The following LRIG2 variants were observed in gnomAD, a reference collection of about 807,000 sequenced individuals.
The protein encoded by LRIG2 is leucine rich repeats and immunoglobulin like domains 2, also known as leucine-rich repeats and immunoglobulin-like domains protein 2.
Under a neutral mutation model 107.8 loss-of-function variants are expected in LRIG2, and 93 were observed. The observed-to-expected ratio is 0.86, with a 90% CI of 0.73 to 1.03. The LOEUF (loss-of-function observed/expected upper bound fraction) is 1.03, where lower values mean the gene tolerates loss of function less well. Ranked by LOEUF, LRIG2 falls within the 50% of genes least tolerant of loss-of-function variation. The pLI is 0.00. For synonymous variants in LRIG2, 471 were observed against 470.6 expected, an observed-to-expected ratio of 1.00 and a Z score of -0.01; for missense variants, 1,226 against 1,296.0, an observed-to-expected ratio of 0.95 and a Z score of 0.83.
At chr1:113,115,372 G>A (rs532135799) in intron 15 of LRIG2, among the ~76,000 whole-genome samples, 60 of 152,046 alleles carry the variant, frequency 3.9e-4, no homozygotes, top group African/African-American at 1.3e-3. Flanking sequence ...GTGCCACCGC[G>A]CCTAAGTTTT....
rs750139828 is a variant in LRIG2, at chr1:113,112,770, C to G, written c.2080+10C>G. On this transcript the variant is annotated intron_variant, in intron 14 of 17. Coordinates refer to ENST00000361127, the MANE Select transcript of LRIG2 (RefSeq NM_014813.3). ...TCCCTAACAGTGTTAGGTACGTTTA[C>G]TGCTCCATGGGTCCCTGCTTTTGTT... 2.5e-6 allele frequency: 4 copies of G among 1,586,548 alleles called. No homozygotes were observed. The highest frequency in any genetic ancestry group is 3.5e-6 in the Non-Finnish European group (4 of 1,159,016).
At chr1:113,122,790 A>G (rs1041310182) in intron 17 of LRIG2, among the ~76,000 whole-genome samples, 3 of 152,362 alleles carry the variant, frequency 2.0e-5, no homozygotes, top group East Asian at 3.9e-4. Flanking sequence ...GAGCAGATCT[A>G]GCAAATCAGA....
At chr1:113,082,607 G>A (rs1435460328) in intron 1 of LRIG2, among the ~76,000 whole-genome samples, 3 of 152,124 alleles carry the variant, frequency 2.0e-5, no homozygotes, top group Non-Finnish European at 4.4e-5. Flanking sequence ...GAGTTGTGTA[G>A]GGGAGGTGTC....
Position 113,094,387 on chromosome 1 carries a change from T to A in LRIG2, c.564T>A (p.Asp188Glu). The A allele has an allele frequency of 1.9e-6, 3 of 1,613,220 alleles. No homozygotes were observed. The highest frequency in any genetic ancestry group is 2.5e-6 in the Non-Finnish European group (3 of 1,179,714). Residue 188 changes from aspartate (D) to glutamate (E), a missense_variant, in exon 5 of 18, where the codon GAT becomes GAA. Physicochemically the swap from Asp to Glu is conservative, Grantham distance 45. This residue lies in a region of LRIG2 where 570 missense variants were observed against 550.2 expected (regional missense o/e 1.04). Coordinates refer to ENST00000361127, the MANE Select transcript of LRIG2 (RefSeq NM_014813.3). The part of the protein sequence containing the change: ...RITTLEAGCF[D>E]NLSSSLLVVK... ...CCACCTTGGAGGCTGGTTGCTTCGA[T>A]AATTTATCAAGTTCCTTATTAGTGG...
Position 113,096,243 on chromosome 1 carries a change from G to T in LRIG2, c.969G>T (p.Leu323=). ...LSELDLSYNQ[L]TRLDESAFVG... is the part of the protein sequence containing the mutation. ...TCAGTGATTTGTCCTATAACCAGCT[G>T]ACCCGCCTGGATGAATCTGCCTTTG... The change falls in exon 8 of 18, where the codon CTG becomes CTT. Residue 323 remains leucine (L), a synonymous_variant. Coordinates refer to ENST00000361127, the MANE Select transcript of LRIG2 (RefSeq NM_014813.3). The T allele has an allele frequency of 6.2e-7, 1 of 1,614,020 alleles. No homozygotes were observed. The highest frequency in any genetic ancestry group is 8.5e-7 in the Non-Finnish European group (1 of 1,180,016).
At chr1:113,098,667 T>C (rs1375177487) in intron 8 of LRIG2, 38 bp from the exon 9 acceptor site, 1 of 1,248,838 alleles carries the variant, frequency 8.0e-7, no homozygotes, top group South Asian at 1.2e-5. Context: ...ATGGTTGTAT[T>C]GACTAATAGC....
chr1:113,086,323 T>C (rs1219111646), intron 1 of LRIG2, among the ~76,000 whole-genome samples: 1 of 152,094 alleles, frequency 6.6e-6, no homozygotes, highest in Non-Finnish European at 1.5e-5. Flanking sequence ...TTTTTAAAAC[T>C]AAATTATGCT....
chr1:113,076,486 A>G (rs925704911), intron 1 of LRIG2, among the ~76,000 whole-genome samples: 17 of 152,196 alleles, frequency 1.1e-4, no homozygotes, highest in African/African-American at 4.1e-4. Flanking sequence ...GTTGAAGTGA[A>G]ATGACTTAGA....
In LRIG2 at chr1:113,132,061, A is replaced by G. The variant is rs562629783; in HGVS notation, c.*7960A>G. ...CTTTCCACTATTATTTTTTTCCCCT[A>G]TTGGATAATACTAGTCTGAGCAGCC... On this transcript the variant is annotated 3_prime_UTR_variant, in exon 18 of 18. Transcript: ENST00000361127. 1.3e-5 allele frequency: 2 copies of G among 151,540 alleles called. No homozygotes were observed. The highest frequency in any genetic ancestry group is 3.9e-4 in the East Asian group (2 of 5,158). 9.4% of individuals were successfully genotyped at this position (151,540 alleles called of 1,614,324 possible).
chr1:113,119,436 C>G lies in LRIG2; in HGVS notation c.2884C>G (p.Pro962Ala). 1 of 1,614,104 alleles carries G rather than the reference C, an allele frequency of 6.2e-7. No homozygotes were observed. The part of the protein sequence containing the change: ...QDTTALESLI[P>A]SANREPSAFP... Reference sequence around the variant, plus strand: ...TACTACTGCCCTAGAGAGCCTGATACCGTCAGCCAACAGAGAGCCATCTGC... The same window carrying G: ...TACTACTGCCCTAGAGAGCCTGATAGCGTCAGCCAACAGAGAGCCATCTGC... Residue 962 changes from proline to alanine, a missense_variant, in exon 17 of 18, where the codon CCG becomes GCG. Physicochemically the swap from Pro to Ala is conservative, Grantham distance 27. This residue lies in a region of LRIG2 where 642 missense variants were observed against 712.2 expected (regional missense o/e 0.90). Coordinates refer to ENST00000361127, the MANE Select transcript of LRIG2 (RefSeq NM_014813.3).
intron 1 of LRIG2, among the ~76,000 whole-genome samples, chr1:113,086,254 C>T (rs1653548162): frequency 6.6e-6 from 1 of 152,034 alleles, no homozygotes; most frequent in Non-Finnish European, 1.5e-5. Context: ...ATCCACACGC[C>T]TCGGTCTCCC....
Position 113,114,657 on chromosome 1 carries a change from A to C in LRIG2, c.2311A>C (p.Thr771Pro). The part of the protein sequence containing the change: ...AGKYTCIMSN[T>P]LGTERGHIYL... ...GAAATATACCTGCATTATGTCTAAC[A>C]CCCTTGGGACAGAACGTGGCCACAT... The change falls in exon 15 of 18, where the codon ACC (threonine) becomes CCC (proline). Residue 771 changes from threonine to proline, a missense_variant. Thr to Pro is a conservative substitution (Grantham distance 38). This residue lies in a region of LRIG2 where 642 missense variants were observed against 712.2 expected (regional missense o/e 0.90). Transcript: ENST00000361127. 6.2e-7 allele frequency: 1 copy of C among 1,613,990 alleles called. No individual in the cohort carries two copies. The highest frequency in any genetic ancestry group is 8.5e-7 in the Non-Finnish European group (1 of 1,179,996).
intron 12 of LRIG2, among the ~76,000 whole-genome samples, chr1:113,109,344 A>G (rs112450104): frequency 6.6e-6 from 1 of 152,318 alleles, no homozygotes; most frequent in African/African-American, 2.4e-5. Context: ...AGCCAGTCCT[A>G]AGCCAATCTT....
rs1655578064 is a variant in LRIG2 at position 113,128,603 on chromosome 1, G to A, written c.*4502G>A. ...TTTGTTCGAGTAGAACAAGAGTGAT[G>A]CTGCTCATTCTGACTTGAGCCAGAT... On this transcript the variant is annotated 3_prime_UTR_variant, in exon 18 of 18. Transcript: ENST00000361127. 6.6e-6 allele frequency: 1 copy of A among 152,188 alleles called. No individual in the cohort carries two copies. Among genetic ancestry groups the A allele is most frequent in the African/African-American group, 2.4e-5 (1 of 41,446 alleles). The allele number at this position is 152,188 out of a possible 1,614,324, so 9.4% of individuals were successfully genotyped here. A position where few individuals can be genotyped will look rare whatever the true frequency, so the allele number is the denominator to read the frequency against.
At chr1:113,096,079 T>C (rs1306308908) in intron 7 of LRIG2, 62 bp downstream of exon 7, 5 of 1,604,832 alleles carry the variant, frequency 3.1e-6, no homozygotes, top group Non-Finnish European at 8.5e-7. Context: ...GAATAAATCA[T>C]TCCCATGGGC....
chr1:113,110,660 G>A, intron 13 of LRIG2, 98 bp downstream of exon 13: 2 of 863,516 alleles, frequency 2.3e-6, no homozygotes, highest in South Asian at 1.7e-5. Flanking sequence ...TGACATTTAA[G>A]TAGGACTCTT....
chr1:113,075,844 C>T (rs545094492), intron 1 of LRIG2, among the ~76,000 whole-genome samples: 2 of 150,280 alleles, frequency 1.3e-5, no homozygotes, highest in South Asian at 2.1e-4. Flanking sequence ...TACAGGCGTG[C>T]GCTACCATGC....
chr1:113,096,278 G>A lies in LRIG2; in HGVS notation c.1004G>A (p.Ser335Asn). 6.2e-7 allele frequency: 1 copy of A among 1,614,178 alleles called. No individual in the cohort carries two copies. Among genetic ancestry groups the A allele is most frequent in the Non-Finnish European group, 8.5e-7 (1 of 1,180,034 alleles). ...RLDESAFVGL[S>N]LLERLNLGDN... ...GATGAATCTGCCTTTGTGGGTCTGA[G>A]CTTATTGGAGAGATTGAATTTAGGA... Residue 335 changes from serine to asparagine, a missense_variant, in exon 8 of 18, where the codon AGC becomes AAC. Physicochemically the swap from Ser to Asn is conservative, Grantham distance 46. Transcript: ENST00000361127.
intron 1 of LRIG2, among the ~76,000 whole-genome samples, chr1:113,086,090 TC>T (rs773861742): frequency 6.8e-6 from 1 of 146,262 alleles, no homozygotes; most frequent in Non-Finnish European, 1.5e-5. Flanking sequence ...CATGGCAACT[TC>T]CGCCTCCTGT....
Sources: allele counts gnomAD v4.1 joint callset (sites outside exome capture counted in the v4.1 genomes callset), GRCh38; gene constraint gnomAD v4.1.1; regional missense constraint gnomAD v4.1.1; transcripts MANE v1.5; gene names NCBI Gene and HGNC (gene_info 2026-07-23, HGNC 2026-07-21).